The following CTNND2 variants were observed in gnomAD, a reference collection of about 807,000 sequenced individuals.
CTNND2 encodes catenin delta 2.
CTNND2 carries 22 observed loss-of-function variants against 144.4 expected under a neutral mutation model. The observed-to-expected ratio is 0.15, with a 90% confidence interval of 0.11 to 0.22. The LOEUF (loss-of-function observed/expected upper bound fraction) is 0.22, where lower values mean the gene tolerates loss of function less well. Ranked by LOEUF, CTNND2 falls within the 10% of genes least tolerant of loss-of-function variation. The probability of loss-of-function intolerance (pLI) is 1.00; values close to 1 mark genes in which losing one functional copy is unlikely to be tolerated. For missense variants in CTNND2, 1,353 were observed against 1,618.8 expected (o/e 0.84, Z 2.82); for synonymous variants, 751 against 695.6 (o/e 1.08, Z -1.25).
At chr5:11,872,248 G>A (rs1735198456) in intron 1 of CTNND2, among the ~76,000 whole-genome samples, 1 of 152,166 alleles carries the variant, frequency 6.6e-6, no homozygotes, top group Non-Finnish European at 1.5e-5. Context: ...ATTCCATGGT[G>A]TATACGTGCC....
intron 1 of CTNND2, among the ~76,000 whole-genome samples, chr5:11,755,432 A>G (rs1788875543): frequency 6.6e-6 from 1 of 151,512 alleles, no homozygotes; most frequent in Non-Finnish European, 1.5e-5. Context: ...GTCGATGGTC[A>G]TCTTGTAATA....
chr5:11,233,541 C>T (rs1294353693), intron 10 of CTNND2, among the ~76,000 whole-genome samples: 1 of 152,092 alleles, frequency 6.6e-6, no homozygotes, highest in East Asian at 1.9e-4. Flanking sequence ...AAGGCTAGTG[C>T]CTGCAAAATT....
At chr5:11,382,303 T>C (rs1758566530) in intron 7 of CTNND2, among the ~76,000 whole-genome samples, 1 of 152,168 alleles carries the variant, frequency 6.6e-6, no homozygotes. Context: ...TGCTTAAAAG[T>C]AATTATTGAA....
At chr5:11,747,831 A>G (rs1788396497) in intron 1 of CTNND2, among the ~76,000 whole-genome samples, 1 of 152,152 alleles carries the variant, frequency 6.6e-6, no homozygotes, top group Non-Finnish European at 1.5e-5. Flanking sequence ...CCAGCCACAC[A>G]GTGGTTCGCA....
chr5:11,714,912 CAAA>C (rs1281707875), intron 2 of CTNND2, among the ~76,000 whole-genome samples: 1 of 94,836 alleles, frequency 1.1e-5, no homozygotes. Flanking sequence ...TATTCCGTCT[CAAA>C]AAAAAAAAAA....
At chr5:11,322,231 C>T (rs1353888838) in intron 9 of CTNND2, among the ~76,000 whole-genome samples, 3 of 152,190 alleles carry the variant, frequency 2.0e-5, no homozygotes, top group African/African-American at 7.2e-5. Context: ...TGCTCAGCCT[C>T]CCATGATATC....
At chr5:11,252,969 T>C (rs958362591) in intron 9 of CTNND2, among the ~76,000 whole-genome samples, 3 of 152,202 alleles carry the variant, frequency 2.0e-5, no homozygotes, top group African/African-American at 7.2e-5. Context: ...CACACAGAGA[T>C]ATTTTATGTT....
chr5:11,081,926 T>C (rs779016446), intron 16 of CTNND2, among the ~76,000 whole-genome samples: 1 of 152,232 alleles, frequency 6.6e-6, no homozygotes, highest in Non-Finnish European at 1.5e-5. Context: ...TACAACATTA[T>C]GAATATACTA....
At chr5:11,448,765 ATCAAGTGATCC>A (rs1406172441) in intron 3 of CTNND2, among the ~76,000 whole-genome samples, 10 of 152,096 alleles carry the variant, frequency 6.6e-5, no homozygotes, top group Non-Finnish European at 1.3e-4. Flanking sequence ...GACTCCTGGG[ATCAAGTGATCC>A]TTCCACCTCA....
intron 3 of CTNND2, among the ~76,000 whole-genome samples, chr5:11,539,995 C>T (rs1196478993): frequency 6.6e-6 from 1 of 152,146 alleles, no homozygotes; most frequent in Non-Finnish European, 1.5e-5. Context: ...GGTCGCACCA[C>T]TGCACTCCAG....
At chr5:11,449,519 C>A (rs192170621) in intron 3 of CTNND2, among the ~76,000 whole-genome samples, 1 of 152,194 alleles carries the variant, frequency 6.6e-6, no homozygotes, top group African/African-American at 2.4e-5. Context: ...CCTATAAACA[C>A]TGGCAGCCAT....
Position 11,384,585 on chromosome 5 carries a change from T to C in CTNND2, c.1177+80A>G. The C allele has an allele frequency of 7.2e-7, 1 of 1,384,246 alleles. No individual in the cohort carries two copies. 85.7% of individuals were successfully genotyped at this position (1,384,246 alleles called of 1,614,324 possible). ...TGGCAGACAGCGCGCCCGGCTTCGC[T>C]TCTGCTCAAGCCGGGCTGCTGCTTC... On this transcript the variant is annotated intron_variant, in intron 7 of 21. Coordinates refer to ENST00000304623, the MANE Select transcript of CTNND2 (RefSeq NM_001332.4). This position sits in a 1 kb window ranked among gnomAD's most constrained non-coding sequence, Gnocchi z 5.2.
chr5:11,858,972 A>C (rs1795377633), intron 1 of CTNND2, among the ~76,000 whole-genome samples: 1 of 152,202 alleles, frequency 6.6e-6, no homozygotes, highest in Non-Finnish European at 1.5e-5. Flanking sequence ...AAACTAGCTA[A>C]TATGTCACAA....
intron 1 of CTNND2, among the ~76,000 whole-genome samples, chr5:11,884,273 T>C (rs1736351175): frequency 6.6e-6 from 1 of 152,156 alleles, no homozygotes; most frequent in African/African-American, 2.4e-5. Context: ...CTCAATGGTA[T>C]TGCCTAGGTT....
chr5:11,009,222 A>T (rs1048219953), intron 18 of CTNND2, among the ~76,000 whole-genome samples: 2 of 152,198 alleles, frequency 1.3e-5, no homozygotes, highest in South Asian at 4.1e-4. Context: ...AACCCACCCC[A>T]CTGCCCTCAT....
At chr5:11,153,797 A>G (rs1324498821) in intron 12 of CTNND2, among the ~76,000 whole-genome samples, 1 of 151,834 alleles carries the variant, frequency 6.6e-6, no homozygotes, top group East Asian at 2.0e-4. Context: ...AAAAATAAAT[A>G]AACGACTCAG....
chr5:11,128,835 A>G (rs1300913157), intron 12 of CTNND2, among the ~76,000 whole-genome samples: 1 of 74,292 alleles, frequency 1.3e-5, no homozygotes, highest in Non-Finnish European at 2.5e-5. Flanking sequence ...TATATATTAT[A>G]TTAAGTATAT....
Position 11,607,185 on chromosome 5 carries a change from C to T in CTNND2, c.175-42129G>A, listed in dbSNP as rs79280482. Reference sequence around the variant, plus strand: ...CTTGCAGCCCTCAGAACAAACTGATCTGATGGCACCTTGATCTTGGACTTC... The same window carrying T: ...CTTGCAGCCCTCAGAACAAACTGATTTGATGGCACCTTGATCTTGGACTTC... On this transcript the variant is annotated intron_variant, in intron 2 of 21. Transcript: ENST00000304623. Among the ~76,000 whole-genome samples the T allele has an allele frequency of 7.3e-3, 1,117 of 152,284 alleles. 6 individuals are homozygous for T. The highest frequency in any genetic ancestry group is 0.012 in the Non-Finnish European group (831 of 68,022).
At chr5:11,295,366 A>G (rs1340789447) in intron 9 of CTNND2, among the ~76,000 whole-genome samples, 3 of 152,188 alleles carry the variant, frequency 2.0e-5, no homozygotes. Context: ...TTCCGTGTTC[A>G]TGGGTAGGAA....
Sources: gnomAD v4.1 joint callset for allele counts (sites outside exome capture counted in the v4.1 genomes callset) on GRCh38, gnomAD v4.1.1 for gene constraint, Gnocchi (gnomAD v3.1) non-coding constraint, MANE v1.5 for transcripts, NCBI Gene and HGNC (gene_info 2026-07-23, HGNC 2026-07-21) for gene names.